The following ZSCAN26 variants were observed in gnomAD, a reference collection of about 807,000 sequenced individuals.
ZSCAN26 encodes zinc finger and SCAN domain-containing protein 26.
In ZSCAN26, 26 loss-of-function variants were observed where a neutral mutation model predicts 23.0. The ratio of observed to expected loss-of-function variants is 1.13; its 90% CI spans 0.83 to 1.57. The LOEUF is 1.57. Among genes scored for constraint, ZSCAN26 ranks in the 40% most tolerant of loss-of-function variants. The probability of loss-of-function intolerance (pLI) is 0.00; values close to 1 mark genes in which losing one functional copy is unlikely to be tolerated. For missense variants in ZSCAN26, 528 were observed against 568.5 expected (o/e 0.93, Z 0.72); for synonymous variants, 180 against 202.5 (o/e 0.89, Z 0.94).
In ZSCAN26 at chr6:28,272,720, T is replaced by C. The variant is rs1270687048; in HGVS notation, c.471T>C (p.Pro157=). 6.2e-7 allele frequency: 1 copy of C among 1,613,304 alleles called. No homozygotes were observed. The part of the protein sequence containing the change: ...KQKILVEEMA[P]LKGVQEQQVR... ...AAATACTTGTGGAGGAGATGGCCCCTCTGAAAGGAGTACAGGAACAGCAGG... is the reference window on the plus strand; with the variant it reads ...AAATACTTGTGGAGGAGATGGCCCCCCTGAAAGGAGTACAGGAACAGCAGG... The change falls in exon 3 of 4, where the codon CCT becomes CCC. Residue 157 remains proline, a synonymous_variant. Coordinates refer to ENST00000421553, the MANE Select transcript of ZSCAN26 (RefSeq NM_001023560.4).
Position 28,277,044 on chromosome 6 carries a change from G to C in ZSCAN26, c.1388G>C (p.Arg463Thr). ...CSECGEAFRQ[R>T]SGLFQHQRYH... ...GAATGTGGAGAAGCCTTCAGGCAAA[G>C]GTCAGGTCTTTTTCAACATCAGAGA... Residue 463 changes from arginine (R) to threonine (T), a missense_variant, in exon 4 of 4, where the codon AGG becomes ACG. Coordinates refer to ENST00000421553, the MANE Select transcript of ZSCAN26 (RefSeq NM_001023560.4). The C allele has an allele frequency of 6.2e-7, 1 of 1,613,918 alleles. No individual in the cohort carries two copies. The highest frequency in any genetic ancestry group is 8.5e-7 in the Non-Finnish European group (1 of 1,179,858).
chr6:28,272,843 T>A (rs1343130697), intron 3 of ZSCAN26, 56 bp downstream of exon 3: 1 of 1,455,580 alleles, frequency 6.9e-7, no homozygotes, highest in Non-Finnish European at 9.5e-7. Flanking sequence ...TGCCTTTCCC[T>A]CTGAGGTTGT....
intron 3 of ZSCAN26, among the ~76,000 whole-genome samples, chr6:28,273,215 G>C (rs1778482): frequency 0.42 from 64,205 of 151,580 alleles, 17,011 homozygotes; most frequent in African/African-American, 0.75. Flanking sequence ...AATGATTGTT[G>C]CACTGCACTT....
In ZSCAN26 at chr6:28,268,985, C is replaced by G. The variant is rs541011143; in HGVS notation, c.-67+1772C>G. On this transcript the variant is annotated intron_variant, in intron 1 of 3. Coordinates refer to ENST00000421553, the MANE Select transcript of ZSCAN26 (RefSeq NM_001023560.4). ...AAAATTAGCTGGGTGTCATGGCAGGCATTTGTAATCCCAGCTATTCGGGAG... is the reference window on the plus strand; with the variant it reads ...AAAATTAGCTGGGTGTCATGGCAGGGATTTGTAATCCCAGCTATTCGGGAG... Among the ~76,000 whole-genome samples the G allele has an allele frequency of 7.9e-4, 120 of 151,990 alleles. 1 individual carries two copies. The highest frequency in any genetic ancestry group is 4.3e-4 in the Non-Finnish European group (29 of 67,956).
chr6:28,276,177 A>T lies in ZSCAN26; in HGVS notation c.539-18A>T, dbSNP rs1205018446. 7.6e-6 allele frequency: 12 copies of T among 1,569,210 alleles called. No individual in the cohort carries two copies. Among genetic ancestry groups the T allele is most frequent in the Admixed American group, 1.9e-5 (1 of 52,124 alleles). Reference sequence around the variant, plus strand: ...CATCAAAAGACAAGTAATTGGTGGTATATATTTAATATTGCAGGTGAGGAG... The same window carrying T: ...CATCAAAAGACAAGTAATTGGTGGTTTATATTTAATATTGCAGGTGAGGAG... On this transcript the variant is annotated intron_variant, in intron 3 of 3. Coordinates refer to ENST00000421553, the MANE Select transcript of ZSCAN26 (RefSeq NM_001023560.4).
chr6:28,267,795 T>C (rs138142031), intron 1 of ZSCAN26, among the ~76,000 whole-genome samples: 1 of 152,294 alleles, frequency 6.6e-6, no homozygotes, highest in East Asian at 1.9e-4. Flanking sequence ...ATCTGACTTA[T>C]GTTTTAAAGC....
rs1385768379 is a variant in ZSCAN26, at chr6:28,272,665, C to G, written c.421-5C>G. ...TTATGCCTCCATATACCTAATTGTC[C>G]CTAGGACCCAGACCAGCCAAAGAAA... On this transcript the variant is annotated splice_region_variant and splice_polypyrimidine_tract_variant and intron_variant, in intron 2 of 3. Transcript: ENST00000421553. 6.3e-7 allele frequency: 1 copy of G among 1,588,660 alleles called. No individual in the cohort carries two copies. The highest frequency in any genetic ancestry group is 1.3e-5 in the African/African-American group (1 of 74,308).
At chr6:28,269,824 A>G (rs1263276041) in intron 1 of ZSCAN26, among the ~76,000 whole-genome samples, 2 of 152,242 alleles carry the variant, frequency 1.3e-5, no homozygotes, top group East Asian at 3.8e-4. Flanking sequence ...ATCTCATTCC[A>G]AAAACACCCT....
Position 28,276,357 on chromosome 6 carries a change from G to A in ZSCAN26, c.701G>A (p.Cys234Tyr), listed in dbSNP as rs1761932932. 3.1e-6 allele frequency: 5 copies of A among 1,613,988 alleles called. No homozygotes were observed. In the East Asian group the frequency reaches 1.1e-4, roughly 36 times the overall value. Residue 234 changes from cysteine (C) to tyrosine (Y), a missense_variant, in exon 4 of 4, where the codon TGC (cysteine) becomes TAC (tyrosine). Transcript: ENST00000421553. The part of the protein sequence containing the change: ...AKPKEKIEYK[C>Y]SEREQRFIQH... ...CCCAAAGAGAAGATTGAGTATAAAT[G>A]CTCAGAACGTGAGCAGAGATTCATC...
chr6:28,273,642 A>G (rs1761811571), intron 3 of ZSCAN26, among the ~76,000 whole-genome samples: 1 of 150,592 alleles, frequency 6.6e-6, no homozygotes. Flanking sequence ...TTTCCTTCAA[A>G]TTATTGTAAA....
In ZSCAN26 at chr6:28,272,733, C is replaced by G; in HGVS notation, c.484C>G (p.Gln162Glu). ...VEEMAPLKGV[Q>E]EQQVRHECEV... ...GGAGATGGCCCCTCTGAAAGGAGTACAGGAACAGCAGGTTCGGCATGAGTG... is the reference window on the plus strand; with the variant it reads ...GGAGATGGCCCCTCTGAAAGGAGTAGAGGAACAGCAGGTTCGGCATGAGTG... Residue 162 changes from glutamine to glutamate, a missense_variant, in exon 3 of 4, where the codon CAG (glutamine) becomes GAG (glutamate). Transcript: ENST00000421553. The G allele has an allele frequency of 1.2e-6, 2 of 1,613,492 alleles. No individual in the cohort carries two copies. The highest frequency in any genetic ancestry group is 1.6e-4 in the Middle Eastern group (1 of 6,062).
In ZSCAN26 at chr6:28,276,754, C is replaced by T. The variant is rs1284599752; in HGVS notation, c.1098C>T (p.Pro366=). The change falls in exon 4 of 4, where the codon CCC becomes CCT. Residue 366 remains proline (P), a synonymous_variant. Coordinates refer to ENST00000421553, the MANE Select transcript of ZSCAN26 (RefSeq NM_001023560.4). ...RHQRIHSQEE[P]CECKECGKTF... is the part of the protein sequence containing the mutation. ...AGAGAATTCACAGTCAGGAGGAGCC[C>T]TGTGAGTGCAAGGAGTGTGGAAAAA... 2.5e-6 allele frequency: 4 copies of T among 1,613,902 alleles called. No homozygotes were observed. Among genetic ancestry groups the T allele is most frequent in the Non-Finnish European group, 2.5e-6 (3 of 1,179,860 alleles).
rs1204868757 is a variant in ZSCAN26 at position 28,272,250 on chromosome 6, G to A, written c.331G>A (p.Val111Met). The A allele has an allele frequency of 6.2e-7, 1 of 1,612,228 alleles. No homozygotes were observed. The highest frequency in any genetic ancestry group is 1.7e-5 in the Admixed American group (1 of 59,672). ...IILPKELQAR[V>M]QEHHPESRED... ...CCTGCCTAAGGAGCTCCAGGCCCGG[G>A]TGCAGGAGCATCACCCAGAGAGCAG... is the stretch of plus-strand genomic sequence containing the variant. The change falls in exon 2 of 4, where the codon GTG becomes ATG. Residue 111 changes from valine to methionine, a missense_variant. By Grantham distance (21) the Val-to-Met change is conservative. Coordinates refer to ENST00000421553, the MANE Select transcript of ZSCAN26 (RefSeq NM_001023560.4).
At position 28,272,033 on chromosome 6, in the gene ZSCAN26, G is replaced by A. The variant is rs1761707838; in HGVS notation, c.114G>A (p.Leu38=). The change falls in exon 2 of 4, where the codon CTG becomes CTA. Residue 38 remains leucine (L), a synonymous_variant. Transcript: ENST00000421553. The part of the protein sequence containing the change: ...HYSTWEQGFK[L]QGNSKGLGQE... The stretch of plus-strand genomic sequence containing the variant: ...CTACTTGGGAACAGGGATTCAAGCT[G>A]CAAGGAAACAGTAAAGGCCTTGGAC... The A allele has an allele frequency of 5.2e-6, 8 of 1,552,032 alleles. No individual in the cohort carries two copies. Among genetic ancestry groups the A allele is most frequent in the African/African-American group, 2.7e-5 (2 of 73,050 alleles).
Position 28,276,765 on chromosome 6 carries a change from A to C in ZSCAN26, c.1109A>C (p.Lys370Thr). ...IHSQEEPCEC[K>T]ECGKTFSQAL... ...AGTCAGGAGGAGCCCTGTGAGTGCA[A>C]GGAGTGTGGAAAAACCTTTAGTCAG... The change falls in exon 4 of 4, where the codon AAG (lysine) becomes ACG (threonine). Residue 370 changes from lysine to threonine, a missense_variant. Lys to Thr is a moderately conservative substitution (Grantham distance 78, BLOSUM62 -1). Transcript: ENST00000421553. 1.2e-6 allele frequency: 2 copies of C among 1,613,988 alleles called. No individual in the cohort carries two copies. The highest frequency in any genetic ancestry group is 1.7e-6 in the Non-Finnish European group (2 of 1,179,872).
At position 28,272,116 on chromosome 6, in the gene ZSCAN26, G is replaced by A. The variant is rs768841058; in HGVS notation, c.197G>A (p.Arg66Gln). 1.9e-5 allele frequency: 30 copies of A among 1,601,444 alleles called. No individual in the cohort carries two copies. The highest frequency in any genetic ancestry group is 9.4e-5 in the African/African-American group (7 of 74,584). ...CGTTATGAAGAGACCACAGGACCTCGAGAAGCACTAAGTCGGCTCCGGGAG... is the reference window on the plus strand; with the variant it reads ...CGTTATGAAGAGACCACAGGACCTCAAGAAGCACTAAGTCGGCTCCGGGAG... The part of the protein sequence containing the change: ...QLRYEETTGP[R>Q]EALSRLRELC... Residue 66 changes from arginine (R) to glutamine (Q), a missense_variant, in exon 2 of 4, where the codon CGA becomes CAA. Physicochemically the swap from Arg to Gln is conservative, Grantham distance 43. Transcript: ENST00000421553.
In ZSCAN26 at chr6:28,276,729, A is replaced by G; in HGVS notation, c.1073A>G (p.Gln358Arg). 6.2e-7 allele frequency: 1 copy of G among 1,613,692 alleles called. No homozygotes were observed. The highest frequency in any genetic ancestry group is 8.5e-7 in the Non-Finnish European group (1 of 1,179,720). The change falls in exon 4 of 4, where the codon CAG (glutamine) becomes CGG (arginine). Residue 358 changes from glutamine (Q) to arginine (R), a missense_variant. By Grantham distance (43) the Gln-to-Arg change is conservative. Transcript: ENST00000421553. ...CGCAGCTCTCACCTTAATCGACATC[A>G]GAGAATTCACAGTCAGGAGGAGCCC... ...FRRSSHLNRH[Q>R]RIHSQEEPCE...
rs1249410430 is a variant in ZSCAN26, at chr6:28,276,937, A to G, written c.1281A>G (p.Ile427Met). The change falls in exon 4 of 4, where the codon ATA (isoleucine) becomes ATG (methionine). Residue 427 changes from isoleucine (I) to methionine (M), a missense_variant. Ile to Met is a conservative substitution (Grantham distance 10). Transcript: ENST00000421553. ...GAGAAAAACCTTTCAAGTGTAACAT[A>G]TGCCAGAAAGCCTTCCGACTAAACT... Reference protein sequence around the residue: ...HTGEKPFKCNICQKAFRLNSH... With the variant: ...HTGEKPFKCNMCQKAFRLNSH... The G allele has an allele frequency of 6.2e-7, 1 of 1,614,048 alleles. No individual in the cohort carries two copies. The highest frequency in any genetic ancestry group is 1.3e-5 in the African/African-American group (1 of 75,072).
rs1289034206 is a variant in ZSCAN26, at chr6:28,276,538, G to C, written c.882G>C (p.Arg294Ser). The change falls in exon 4 of 4, where the codon AGG (arginine) becomes AGC (serine). Residue 294 changes from arginine (R) to serine (S), a missense_variant. Coordinates refer to ENST00000421553, the MANE Select transcript of ZSCAN26 (RefSeq NM_001023560.4). ...ATGAGTGTGGGAAAGCCTTTCAGAG[G>C]AGTTCACACCTCGTCAGACATCAGA... ...QCHECGKAFQRSSHLVRHQKI... is the reference protein window; with the variant it reads ...QCHECGKAFQSSSHLVRHQKI... 1 of 1,613,594 alleles carries C rather than the reference G, an allele frequency of 6.2e-7. No individual in the cohort carries two copies. The highest frequency in any genetic ancestry group is 8.5e-7 in the Non-Finnish European group (1 of 1,179,768).
Sources: gnomAD v4.1 joint callset for allele counts (sites outside exome capture counted in the v4.1 genomes callset) on GRCh38, gnomAD v4.1.1 for gene constraint, MANE v1.5 for transcripts, NCBI Gene and HGNC (gene_info 2026-07-23, HGNC 2026-07-21) for gene names.